The following TAFA4 variants were observed in gnomAD, a reference collection of about 807,000 sequenced individuals.
The protein encoded by TAFA4 is chemokine-like protein TAFA-4.
A neutral mutation model predicts 21.1 loss-of-function variants in TAFA4; 20 were observed. The observed-to-expected ratio is 0.95, with a 90% confidence interval of 0.67 to 1.38. TAFA4 has a LOEUF of 1.38. TAFA4 is among the 40% of genes most tolerant of loss of function. The pLI, the probability that TAFA4 is intolerant of heterozygous loss-of-function variation, is 0.00. For synonymous variants in TAFA4, 71 were observed against 67.4 expected, an observed-to-expected ratio of 1.05 and a Z score of -0.26; for missense variants, 211 against 180.9, an observed-to-expected ratio of 1.17 and a Z score of -0.95.
intron 3 of TAFA4, among the ~76,000 whole-genome samples, chr3:68,863,070 C>CA (rs762098423): frequency 0.061 from 4,735 of 77,862 alleles, 118 homozygotes; most frequent in African/African-American, 0.094. Flanking sequence ...CCCATCTCTA[C>CA]AAAAAAAAAA....
At chr3:68,782,523 G>A (rs143588538) in intron 3 of TAFA4, among the ~76,000 whole-genome samples, 1 of 152,142 alleles carries the variant, frequency 6.6e-6, no homozygotes, top group African/African-American at 2.4e-5. Flanking sequence ...TAAATAAAAT[G>A]TGATATATTC....
intron 3 of TAFA4, among the ~76,000 whole-genome samples, chr3:68,854,871 G>A (rs141834858): frequency 1.1e-4 from 16 of 152,006 alleles, no homozygotes; most frequent in African/African-American, 2.7e-4. Flanking sequence ...ATATTTTACC[G>A]AGCTCTCCAA....
At chr3:68,887,901 T>C (rs1236130011) in intron 1 of TAFA4, among the ~76,000 whole-genome samples, 1 of 152,180 alleles carries the variant, frequency 6.6e-6, no homozygotes, top group Non-Finnish European at 1.5e-5. Flanking sequence ...GTATCAATCA[T>C]TTTAGCAATC....
At chr3:68,862,074 C>T (rs2089352152) in intron 3 of TAFA4, among the ~76,000 whole-genome samples, 1 of 151,924 alleles carries the variant, frequency 6.6e-6, no homozygotes, top group Non-Finnish European at 1.5e-5. Flanking sequence ...GAGGTTATGA[C>T]AGGACAGCTT....
chr3:68,774,321 T>C (rs1703010444), intron 3 of TAFA4, among the ~76,000 whole-genome samples: 1 of 152,200 alleles, frequency 6.6e-6, no homozygotes, highest in East Asian at 1.9e-4. Context: ...CATACTTCTG[T>C]AAGAGACTAC....
At chr3:68,793,482 T>C (rs1031308331) in intron 3 of TAFA4, among the ~76,000 whole-genome samples, 14 of 152,192 alleles carry the variant, frequency 9.2e-5, no homozygotes, top group African/African-American at 2.4e-4. Context: ...GGAAATCCAA[T>C]TGCCGCTTAT....
In TAFA4 at chr3:68,752,827, T is replaced by C. The variant is rs201545497; in HGVS notation, c.286+36A>G. On this transcript the variant is annotated intron_variant, in intron 4 of 5. Transcript: ENST00000295569. ...AAATTCCTGGTGGGTTTTGGCCTTT[T>C]TGAAATACCAGAGATGCTGACCAGA... 1,030 of 1,613,862 alleles carry C rather than the reference T, an allele frequency of 6.4e-4. 8 individuals carry two copies. Among genetic ancestry groups the C allele is most frequent in the Middle Eastern group, 3.0e-3 (18 of 6,058 alleles).
At chr3:68,752,821 G>A in intron 4 of TAFA4, 42 bp downstream of exon 4, 1 of 1,613,426 alleles carries the variant, frequency 6.2e-7, no homozygotes, top group Non-Finnish European at 8.5e-7. Context: ...GTGGGTTTTG[G>A]CCTTTTTGAA....
intron 3 of TAFA4, among the ~76,000 whole-genome samples, chr3:68,839,358 A>G (rs768937582): frequency 3.0e-4 from 45 of 152,340 alleles, no homozygotes; most frequent in Admixed American, 7.8e-4. Context: ...CTCAAGTTAC[A>G]TTATTATATG....
chr3:68,815,961 T>C (rs1028689594), intron 3 of TAFA4, among the ~76,000 whole-genome samples: 1 of 152,206 alleles, frequency 6.6e-6, no homozygotes, highest in Non-Finnish European at 1.5e-5. Flanking sequence ...GTGGCACATA[T>C]ACACCATGGG....
rs138915373 is a variant in TAFA4 at position 68,865,449 on chromosome 3, T to C, written c.130+15281A>G. 1.8e-3 allele frequency among the ~76,000 whole-genome samples: 273 copies of C among 152,062 alleles called. 2 individuals are homozygous for C. The highest frequency in any genetic ancestry group is 0.014 in the Middle Eastern group (4 of 294). On this transcript the variant is annotated intron_variant, in intron 3 of 5. Coordinates refer to ENST00000295569, the MANE Select transcript of TAFA4 (RefSeq NM_182522.5). ...TTTCCCTGTACTGTTTTCACAATAG[T>C]GAGTAAGTCTCACGAGATCTGATGG...
At chr3:68,755,720 A>T (rs1328523706) in intron 3 of TAFA4, among the ~76,000 whole-genome samples, 1 of 152,220 alleles carries the variant, frequency 6.6e-6, no homozygotes, top group East Asian at 1.9e-4. Flanking sequence ...CCCTACAGCC[A>T]GGCCCAGGTG....
chr3:68,807,357 G>A (rs1402108634), intron 3 of TAFA4, among the ~76,000 whole-genome samples: 4 of 152,200 alleles, frequency 2.6e-5, no homozygotes, highest in African/African-American at 9.6e-5. Flanking sequence ...TTAAGGCATA[G>A]GCAAGCTGAT....
chr3:68,754,951 GC>G (rs1040269193), intron 3 of TAFA4, among the ~76,000 whole-genome samples: 6 of 152,018 alleles, frequency 3.9e-5, no homozygotes, highest in East Asian at 1.9e-4. Context: ...TATTTTCCCT[GC>G]CCCCGTAATT....
rs147356445 is a variant in TAFA4, at chr3:68,866,257, A to G, written c.130+14473T>C. Reference sequence around the variant, plus strand: ...CTTCTGGGCATGAACCCCTAGCTATACTTCTCACATGGCAGGATATTCCCA... The same window carrying G: ...CTTCTGGGCATGAACCCCTAGCTATGCTTCTCACATGGCAGGATATTCCCA... On this transcript the variant is annotated intron_variant, in intron 3 of 5. Coordinates refer to ENST00000295569, the MANE Select transcript of TAFA4 (RefSeq NM_182522.5). Among the ~76,000 whole-genome samples, 3 of 152,130 alleles carry G rather than the reference A, an allele frequency of 2.0e-5. No homozygotes were observed. In the East Asian group the frequency reaches 5.8e-4, roughly 30 times the overall value.
At chr3:68,869,131 C>T (rs1559548809) in intron 3 of TAFA4, among the ~76,000 whole-genome samples, 1 of 151,814 alleles carries the variant, frequency 6.6e-6, no homozygotes, top group Non-Finnish European at 1.5e-5. Flanking sequence ...AATTCCTGGA[C>T]ACATACAACC....
intron 3 of TAFA4, among the ~76,000 whole-genome samples, chr3:68,791,359 G>C (rs997656791): frequency 2.6e-5 from 4 of 151,786 alleles, no homozygotes; most frequent in African/African-American, 9.7e-5. Flanking sequence ...TGGAGGCCGA[G>C]ATTGAAGTGC....
In TAFA4 at chr3:68,732,370, A is replaced by G. The variant is rs1702164340; in HGVS notation, c.*772T>C. The G allele has an allele frequency of 6.6e-6, 1 of 152,580 alleles. No homozygotes were observed. The highest frequency in any genetic ancestry group is 1.5e-5 in the Non-Finnish European group (1 of 68,020). The allele number at this position is 152,580 out of a possible 1,614,324, so 9.5% of individuals were successfully genotyped here. On this transcript the variant is annotated 3_prime_UTR_variant, in exon 6 of 6. Transcript: ENST00000295569. ...ATATTTTAAATGATTTACCTACATG[A>G]CTACACAAAAGCCGTAAAAATTCCA...
intron 4 of TAFA4, among the ~76,000 whole-genome samples, chr3:68,746,159 C>T (rs1702454307): frequency 6.6e-6 from 1 of 152,130 alleles, no homozygotes; most frequent in Admixed American, 6.5e-5. Flanking sequence ...GCTCTGGGCT[C>T]TCAGGCCTTC....
Sources: gnomAD v4.1 joint callset for allele counts (sites outside exome capture counted in the v4.1 genomes callset) on GRCh38, gnomAD v4.1.1 for gene constraint, MANE v1.5 for transcripts, NCBI Gene and HGNC (gene_info 2026-07-23, HGNC 2026-07-21) for gene names.